The following RAP2C variants were observed in gnomAD, a reference collection of about 807,000 sequenced individuals.
The protein encoded by RAP2C is ras-related protein Rap-2c.
RAP2C carries 3 observed loss-of-function variants against 8.9 expected under a neutral mutation model. That is an observed-to-expected ratio of 0.34 (90% CI 0.15 to 0.87). RAP2C has a LOEUF of 0.87. Among genes scored for constraint, RAP2C ranks in the 40% least tolerant of loss-of-function variants. The pLI is 0.51. For synonymous variants in RAP2C, 60 were observed against 52.1 expected (o/e 1.15, Z -0.65); for missense variants, 76 against 133.7 (o/e 0.57, Z 2.13).
intron 5 of RAP2C, among the ~76,000 whole-genome samples, chrX:132,209,012 C>A (rs1326018886): frequency 9.0e-6 from 1 of 111,152 alleles, no homozygotes; most frequent in Non-Finnish European, 1.9e-5. Context: ...TGTTAAATAT[C>A]TTTTGTTTTG....
At chrX:132,207,461 C>T (rs1410967375) in intron 5 of RAP2C, among the ~76,000 whole-genome samples, 1 of 111,250 alleles carries the variant, frequency 9.0e-6, no homozygotes, top group Non-Finnish European at 1.9e-5. Flanking sequence ...TTGGTCTATC[C>T]ACATCCACAG....
Position 132,205,967 on chromosome X carries a change from T to G in RAP2C, c.*35-380A>C, listed in dbSNP as rs1049987817. 2.7e-5 allele frequency among the ~76,000 whole-genome samples: 3 copies of G among 111,944 alleles called. No individual in the cohort carries two copies. The Admixed American group carries it at 2.9e-4, about 11-fold the overall frequency. On this transcript the variant is annotated intron_variant, in intron 5 of 5. Coordinates refer to ENST00000370874, the MANE Select transcript of RAP2C (RefSeq NM_001271186.2). ...CTACTTTGAACTTGATCTCTTCACA[T>G]TTTAACTGGAAATGGTATTGTTATC...
At chrX:132,215,227 G>A (rs757344732) in intron 4 of RAP2C, among the ~76,000 whole-genome samples, 1 of 110,523 alleles carries the variant, frequency 9.0e-6, no homozygotes, top group South Asian at 3.9e-4. Flanking sequence ...CAATTCTCCA[G>A]TAGCATCAGT....
intron 4 of RAP2C, among the ~76,000 whole-genome samples, chrX:132,215,517 T>C (rs1015201535): frequency 1.8e-5 from 2 of 111,988 alleles, no homozygotes; most frequent in African/African-American, 6.5e-5. Flanking sequence ...TCCCATTGTC[T>C]TTATGGAAAC....
At chrX:132,212,058 C>T (rs1480410395) in intron 5 of RAP2C, among the ~76,000 whole-genome samples, 5 of 108,638 alleles carry the variant, frequency 4.6e-5, no homozygotes, top group Admixed American at 2.0e-4. Flanking sequence ...AAAAAAAAAA[C>T]CTGCATATAG....
At chrX:132,206,432 A>G (rs993909438) in intron 5 of RAP2C, among the ~76,000 whole-genome samples, 4 of 111,926 alleles carry the variant, frequency 3.6e-5, no homozygotes, top group South Asian at 3.7e-4. Context: ...AATACTAGGG[A>G]AAAAAAATCT....
rs1341332795 is a variant in RAP2C, at chrX:132,204,252, A to T, written c.*1370T>A. ...AGCACACAACTAAAATCAAATAAAA[A>T]CCCAACAATAAAATACTGTCAAACT... On this transcript the variant is annotated 3_prime_UTR_variant, in exon 6 of 6. Transcript: ENST00000370874. The T allele has an allele frequency of 8.9e-6, 1 of 112,345 alleles. No individual in the cohort carries two copies. The highest frequency in any genetic ancestry group is 3.2e-5 in the African/African-American group (1 of 30,848). The allele number at this position is 112,345 out of a possible 1,213,427, so 9.3% of individuals were successfully genotyped here. A position where few individuals can be genotyped will look rare whatever the true frequency, so the allele number is the denominator to read the frequency against.
In RAP2C at chrX:132,208,137, T is replaced by C. The variant is rs151166958; in HGVS notation, c.*35-2550A>G. 6.0e-3 allele frequency among the ~76,000 whole-genome samples: 663 copies of C among 111,391 alleles called. 4 individuals are homozygous for C. The highest frequency in any genetic ancestry group is 0.02 in the African/African-American group (628 of 30,683). The stretch of plus-strand genomic sequence containing the variant: ...CACAGAACAAAAGGAACAAAGATCA[T>C]TATTTATGTCAGCCTGAAGAAAAAA... On this transcript the variant is annotated intron_variant, in intron 5 of 5. Transcript: ENST00000370874.
intron 1 of RAP2C, among the ~76,000 whole-genome samples, chrX:132,219,059 ATCTT>A (rs1380367915): frequency 1.8e-5 from 2 of 112,045 alleles, no homozygotes; most frequent in African/African-American, 6.5e-5. Context: ...ACTTCCGACT[ATCTT>A]TCCCTTTGCT....
chrX:132,207,776 A>G (rs1334188822), intron 5 of RAP2C, among the ~76,000 whole-genome samples: 1 of 111,688 alleles, frequency 9.0e-6, no homozygotes, highest in African/African-American at 3.3e-5. Context: ...GTTTAAAAGC[A>G]GCTGGTCAAA....
intron 5 of RAP2C, among the ~76,000 whole-genome samples, chrX:132,207,395 T>A (rs2124129610): frequency 9.0e-6 from 1 of 111,380 alleles, no homozygotes; most frequent in Admixed American, 9.6e-5. Context: ...ATAATCTATA[T>A]GGAATAAAAC....
At chrX:132,215,230 G>C (rs758415532) in intron 4 of RAP2C, among the ~76,000 whole-genome samples, 18 of 110,389 alleles carry the variant, frequency 1.6e-4, no homozygotes, top group Non-Finnish European at 2.8e-4. Flanking sequence ...TTCTCCAGTA[G>C]CATCAGTTTT....
At chrX:132,211,035 C>T (rs757971820) in intron 5 of RAP2C, among the ~76,000 whole-genome samples, 6 of 110,081 alleles carry the variant, frequency 5.5e-5, no homozygotes, top group African/African-American at 9.9e-5. Context: ...AACTCGGTGG[C>T]GCTTAACCAA....
At position 132,204,811 on chromosome X, in the gene RAP2C, T is replaced by C. The variant is rs1930223290; in HGVS notation, c.*811A>G. On this transcript the variant is annotated 3_prime_UTR_variant, in exon 6 of 6. Transcript: ENST00000370874. ...TTCAAAGGCATTGCTAAATAGGTCA[T>C]AACTAAATTTAGAACTTCACAGAAA... 1 of 110,791 alleles carries C rather than the reference T, an allele frequency of 9.0e-6. No homozygotes were observed. Among genetic ancestry groups the C allele is most frequent in the Admixed American group, 9.7e-5 (1 of 10,309 alleles). 9.1% of individuals were successfully genotyped at this position (110,791 alleles called of 1,213,427 possible). A position where few individuals can be genotyped will look rare whatever the true frequency, so the allele number is the denominator to read the frequency against.
intron 5 of RAP2C, among the ~76,000 whole-genome samples, chrX:132,207,230 TCAAA>T (rs1451292988): frequency 8.9e-6 from 1 of 111,993 alleles, no homozygotes; most frequent in Non-Finnish European, 1.9e-5. Flanking sequence ...CTTTTTTAAA[TCAAA>T]CAATTATAAA....
intron 5 of RAP2C, among the ~76,000 whole-genome samples, chrX:132,210,277 G>C (rs1471915344): frequency 9.0e-6 from 1 of 110,732 alleles, no homozygotes; most frequent in Non-Finnish European, 1.9e-5. Flanking sequence ...TAAACCCCCA[G>C]CATACCATAA....
chrX:132,213,989 G>A, intron 5 of RAP2C, 145 bp downstream of exon 5: 2 of 464,706 alleles, frequency 4.3e-6, no homozygotes, highest in Non-Finnish European at 6.6e-6. Flanking sequence ...ATTGAATGTT[G>A]ACTATTTTGT....
intron 4 of RAP2C, among the ~76,000 whole-genome samples, chrX:132,215,379 C>T (rs1229951093): frequency 9.0e-6 from 1 of 111,346 alleles, no homozygotes; most frequent in African/African-American, 3.3e-5. Flanking sequence ...ATAGTAAGTA[C>T]AGAATATTCA....
At position 132,217,119 on chromosome X, in the gene RAP2C, G is replaced by C; in HGVS notation, c.150C>G (p.Pro50=). 1 of 1,205,726 alleles carries C rather than the reference G, an allele frequency of 8.3e-7. No homozygotes were observed. Among genetic ancestry groups the C allele is most frequent in the Non-Finnish European group, 1.1e-6 (1 of 892,454 alleles). The change falls in exon 4 of 6, where the codon CCC becomes CCG. Residue 50 remains proline, a synonymous_variant. Transcript: ENST00000370874. ...CGGTGTCCAGAATTTCCAGCACGGAGGGGGAAGAGTCCACTTCGATCTCTT... is the reference window on the plus strand; with the variant it reads ...CGGTGTCCAGAATTTCCAGCACGGACGGGGAAGAGTCCACTTCGATCTCTT... ...YRKEIEVDSS[P]SVLEILDTAG...
Sources: allele counts gnomAD v4.1 joint callset (sites outside exome capture counted in the v4.1 genomes callset), GRCh38; gene constraint gnomAD v4.1.1; transcripts MANE v1.5; gene names NCBI Gene and HGNC (gene_info 2026-07-23, HGNC 2026-07-21).